The following SOD2 variants were observed in gnomAD, a reference collection of about 807,000 sequenced individuals.
The protein encoded by SOD2 is superoxide dismutase 2, also known as superoxide dismutase [Mn], mitochondrial.
Under a neutral mutation model 27.0 loss-of-function variants are expected in SOD2, and 11 were observed. The observed-to-expected ratio is 0.41, with a 90% CI of 0.26 to 0.67. SOD2 has a LOEUF of 0.67. SOD2 is among the 30% of genes least tolerant of loss of function. The pLI, the probability that SOD2 is intolerant of heterozygous loss-of-function variation, is 0.34. For synonymous variants in SOD2, 105 were observed against 103.0 expected, an observed-to-expected ratio of 1.02 and a Z score of -0.12; for missense variants, 250 against 274.5, an observed-to-expected ratio of 0.91 and a Z score of 0.63.
At chr6:159,754,883 C>T in intron 1 of SOD2, 2 of 928,652 alleles carry the variant, frequency 2.2e-6, no homozygotes, top group South Asian at 4.6e-5. Flanking sequence ...AGATTCCAAG[C>T]AAAATTTTTA....
At chr6:159,758,538 T>C (rs1336350159) in intron 1 of SOD2, among the ~76,000 whole-genome samples, 1 of 152,248 alleles carries the variant, frequency 6.6e-6, no homozygotes, top group African/African-American at 2.4e-5. Flanking sequence ...TGAGTAGTTA[T>C]GCCCTGTACT....
Position 159,741,381 on chromosome 6 carries a change from TGA to T in SOD2, c.-116+3747_-116+3748del, listed in dbSNP as rs1779246226. Among the ~76,000 whole-genome samples, 3 of 152,324 alleles carry T rather than the reference TGA, an allele frequency of 2.0e-5. No individual in the cohort carries two copies. In the South Asian group the frequency reaches 6.2e-4, roughly 32 times the overall value. ...TTACAGGCAGAAATTGATACTACCT[TGA>T]GAAGAGTCACATGGTATTTTCCCAA... On this transcript the variant is annotated intron_variant, in intron 1 of 3. Transcript: ENST00000537657.
intron 1 of SOD2, among the ~76,000 whole-genome samples, chr6:159,712,109 A>AC (rs878961226): frequency 5.2e-4 from 16 of 30,826 alleles, no homozygotes; most frequent in Non-Finnish European, 7.1e-4. Flanking sequence ...ACCACCACTC[A>AC]GCTGCTCAGA....
At chr6:159,694,422 G>A (rs5746081), upstream of SOD2, among the ~76,000 whole-genome samples, 3,735 of 152,198 alleles carry the variant, frequency 0.025, 67 homozygotes, top group Non-Finnish European at 0.039. Context: ...TAGGCTTCCG[G>A]TAAGTGGAAT....
chr6:159,739,342 A>G (rs1251963793), intron 1 of SOD2, among the ~76,000 whole-genome samples: 1 of 152,186 alleles, frequency 6.6e-6, no homozygotes, highest in Non-Finnish European at 1.5e-5. Context: ...ATGCACTTAT[A>G]TTTATGGAAG....
intron 1 of SOD2, among the ~76,000 whole-genome samples, chr6:159,699,824 T>C (rs1185133315): frequency 6.6e-6 from 1 of 151,748 alleles, no homozygotes; most frequent in Non-Finnish European, 1.5e-5. Flanking sequence ...ACACTGTACA[T>C]CTACTCGGAG....
chr6:159,742,956 T>C (rs1182507139), intron 1 of SOD2, among the ~76,000 whole-genome samples: 1 of 152,150 alleles, frequency 6.6e-6, no homozygotes, highest in Non-Finnish European at 1.5e-5. Context: ...CAGTGAGCCC[T>C]GATTGTGCCA....
chr6:159,713,723 A>C (rs1180035462), intron 1 of SOD2: 2 of 912,168 alleles, frequency 2.2e-6, no homozygotes, highest in Non-Finnish European at 3.7e-6. Context: ...AATCCATTTC[A>C]ACACTATTAG....
upstream of SOD2, chr6:159,693,431 C>A: frequency 6.1e-6 from 1 of 162,608 alleles, no homozygotes; most frequent in South Asian, 1.9e-4. Context: ...ACCCCGCGCC[C>A]AGGGCACGGG....
At chr6:159,743,570 GATTA>G in intron 1 of SOD2, 1 of 1,201,978 alleles carries the variant, frequency 8.3e-7, no homozygotes, top group Non-Finnish European at 1.1e-6. Context: ...CTAAAGACTT[GATTA>G]ATTTTTTGAC....
chr6:159,697,477 T>G (rs74571059), upstream of SOD2, among the ~76,000 whole-genome samples: 2,360 of 152,318 alleles, frequency 0.015, 74 homozygotes, highest in African/African-American at 0.053. Flanking sequence ...AATGTGAGCT[T>G]AATTTTTTTC....
At chr6:159,730,475 C>T (rs959472878), upstream of SOD2, among the ~76,000 whole-genome samples, 1 of 152,094 alleles carries the variant, frequency 6.6e-6, no homozygotes. Context: ...GAATACCAAA[C>T]TTCTCGGTAC....
At chr6:159,704,590 C>G (rs983377127) in intron 1 of SOD2, among the ~76,000 whole-genome samples, 1 of 152,182 alleles carries the variant, frequency 6.6e-6, no homozygotes, top group East Asian at 1.9e-4. Flanking sequence ...GGGCGCCTGC[C>G]ATTGCCGAGG....
intron 1 of SOD2, chr6:159,742,242 T>G: frequency 9.2e-7 from 1 of 1,088,452 alleles, no homozygotes; most frequent in Non-Finnish European, 1.3e-6. Context: ...AATGTAATTT[T>G]TCTCGTGTTT....
chr6:159,753,382 A>T, intron 1 of SOD2: 2 of 1,591,436 alleles, frequency 1.3e-6, no homozygotes, highest in Non-Finnish European at 1.7e-6. Context: ...TATGTGTTAC[A>T]TCTATCACTG....
At chr6:159,730,652 C>T (rs1583062411), upstream of SOD2, among the ~76,000 whole-genome samples, 1 of 152,324 alleles carries the variant, frequency 6.6e-6, no homozygotes, top group East Asian at 1.9e-4. Context: ...ATTTACTTTT[C>T]ATCAGATTAA....
chr6:159,730,653 A>G (rs1437576509), upstream of SOD2, among the ~76,000 whole-genome samples: 2 of 152,220 alleles, frequency 1.3e-5, no homozygotes, highest in African/African-American at 4.8e-5. Context: ...TTTACTTTTC[A>G]TCAGATTAAA....
exon 1 of SOD2, chr6:159,761,652 G>C (rs1007897702): frequency 4.5e-6 from 2 of 444,026 alleles, no homozygotes; most frequent in East Asian, 7.1e-5. Context: ...CGAGAGATAA[G>C]TCTTTGTCAC....
At chr6:159,751,306 A>G (rs375952671) in intron 1 of SOD2, among the ~76,000 whole-genome samples, 2 of 152,192 alleles carry the variant, frequency 1.3e-5, no homozygotes, top group Admixed American at 6.5e-5. Context: ...ACATTTTTAT[A>G]TGGGGTTAAG....
Sources: gnomAD v4.1 joint callset for allele counts (sites outside exome capture counted in the v4.1 genomes callset) on GRCh38, gnomAD v4.1.1 for gene constraint, MANE v1.5 for transcripts, NCBI Gene and HGNC (gene_info 2026-07-23, HGNC 2026-07-21) for gene names.